The following PARP4 variants were observed in gnomAD, a reference collection of about 807,000 sequenced individuals.
PARP4 encodes the protein poly(ADP-ribose) polymerase family member 4.
PARP4 carries 120 observed loss-of-function variants against 187.7 expected under a neutral mutation model. That is an observed-to-expected ratio of 0.64 (90% CI 0.55 to 0.74). PARP4 has a LOEUF of 0.74. Ranked by LOEUF, PARP4 falls within the 30% of genes least tolerant of loss-of-function variation. The probability of loss-of-function intolerance (pLI) is 0.00; values close to 1 mark genes in which losing one functional copy is unlikely to be tolerated. For missense variants in PARP4, 1,836 were observed against 2,070.5 expected (o/e 0.89, Z 2.20); for synonymous variants, 654 against 740.9 (o/e 0.88, Z 1.90).
intron 1 of PARP4, among the ~76,000 whole-genome samples, chr13:24,507,478 C>T (rs1212584473): frequency 6.6e-6 from 1 of 152,302 alleles, no homozygotes; most frequent in East Asian, 1.9e-4. Flanking sequence ...CTAGGCCTCC[C>T]TCTCCCCCTT....
chr13:24,451,187 G>GCC (rs1871498196), intron 24 of PARP4, among the ~76,000 whole-genome samples: 1 of 152,214 alleles, frequency 6.6e-6, no homozygotes, highest in Non-Finnish European at 1.5e-5. Context: ...TGGTGTCTGA[G>GCC]CCCTGACCTG....
chr13:24,421,984 T>C (rs1394537947), intron 33 of PARP4, among the ~76,000 whole-genome samples: 1 of 152,212 alleles, frequency 6.6e-6, no homozygotes, highest in Non-Finnish European at 1.5e-5. Context: ...AGGGGCAACA[T>C]ATACCAAAGT....
chr13:24,452,822 G>C (rs1221272838), intron 23 of PARP4, among the ~76,000 whole-genome samples: 2 of 152,146 alleles, frequency 1.3e-5, no homozygotes, highest in East Asian at 3.8e-4. Flanking sequence ...GTTTCCAGAG[G>C]ACTATGACAT....
chr13:24,434,209 C>G (rs1395880329), intron 31 of PARP4, among the ~76,000 whole-genome samples, 186 bp downstream of exon 31: 1 of 152,186 alleles, frequency 6.6e-6, no homozygotes, highest in African/African-American at 2.4e-5. Context: ...TTTTGTTCAG[C>G]TGTCTGTTTT....
intron 14 of PARP4, among the ~76,000 whole-genome samples, chr13:24,476,238 C>A (rs1019825836): frequency 6.6e-6 from 1 of 151,838 alleles, no homozygotes. Context: ...CTTAGCCTCT[C>A]GAGTAGCTGC....
At chr13:24,501,585 G>C in intron 3 of PARP4, 48 bp downstream of exon 3, 1 of 1,294,566 alleles carries the variant, frequency 7.7e-7, no homozygotes, top group Non-Finnish European at 1.1e-6. Context: ...ACCCAAGCGT[G>C]TACTATGGCA....
intron 20 of PARP4, among the ~76,000 whole-genome samples, 186 bp from the exon 21 acceptor site, chr13:24,456,664 C>G (rs1259891871): frequency 6.6e-6 from 1 of 152,132 alleles, no homozygotes; most frequent in East Asian, 1.9e-4. Flanking sequence ...CCTGTAATCT[C>G]AGCACTTTGA....
intron 29 of PARP4, among the ~76,000 whole-genome samples, chr13:24,442,224 C>A (rs1214129585): frequency 1.2e-4 from 18 of 150,156 alleles, no homozygotes; most frequent in Non-Finnish European, 1.6e-4. Flanking sequence ...GGGAAGGGCT[C>A]TCAGGGAACC....
chr13:24,490,049 G>C (rs1271524157), intron 10 of PARP4, among the ~76,000 whole-genome samples: 1 of 152,200 alleles, frequency 6.6e-6, no homozygotes, highest in Non-Finnish European at 1.5e-5. Flanking sequence ...CAGGTCAAAA[G>C]AGTCAGTCCC....
chr13:24,501,614 C>G lies in PARP4; in HGVS notation c.334+19G>C. 6.4e-7 allele frequency: 1 copy of G among 1,568,554 alleles called. No homozygotes were observed. The highest frequency in any genetic ancestry group is 8.8e-7 in the Non-Finnish European group (1 of 1,138,984). ...TATGGCACCTATGATACGTTAAATG[C>G]TTGCTATGAAATACCTACCAGAACT... On this transcript the variant is annotated intron_variant, in intron 3 of 33. Coordinates refer to ENST00000381989, the MANE Select transcript of PARP4 (RefSeq NM_006437.4).
chr13:24,424,934 C>T (rs906483827), intron 33 of PARP4, among the ~76,000 whole-genome samples: 8 of 151,742 alleles, frequency 5.3e-5, no homozygotes, highest in Non-Finnish European at 7.4e-5. Flanking sequence ...CTGCCCACCT[C>T]GGCCTCCCAA....
chr13:24,483,492 C>A (rs868455452), intron 12 of PARP4, among the ~76,000 whole-genome samples: 420 of 107,618 alleles, frequency 3.9e-3, no homozygotes, highest in Non-Finnish European at 3.8e-3. Flanking sequence ...GACTCCGTCT[C>A]AAAAAAAAAA....
rs142816236 is a variant in PARP4 at position 24,432,811 on chromosome 13, G to A, written c.4747-1335C>T. ...TCTGCCTGCCCCATCACATGCACAG[G>A]AGAATGTGCTAAGCCTGAGCTTGGG... On this transcript the variant is annotated intron_variant, in intron 31 of 33. Coordinates refer to ENST00000381989, the MANE Select transcript of PARP4 (RefSeq NM_006437.4). Among the ~76,000 whole-genome samples the A allele has an allele frequency of 1.3e-3, 205 of 152,252 alleles. 1 individual carries two copies. The highest frequency in any genetic ancestry group is 4.7e-3 in the African/African-American group (196 of 41,532).
At chr13:24,428,986 T>C (rs1870199116) in intron 32 of PARP4, among the ~76,000 whole-genome samples, 1 of 151,244 alleles carries the variant, frequency 6.6e-6, no homozygotes, top group South Asian at 2.1e-4. Context: ...TCCACAGTCT[T>C]GGCTCCTCTG....
At chr13:24,505,769 G>A (rs532107257) in intron 1 of PARP4, among the ~76,000 whole-genome samples, 40 of 152,346 alleles carry the variant, frequency 2.6e-4, no homozygotes, top group African/African-American at 9.6e-4. Context: ...TTAAAAACAA[G>A]GAGTCACGTC....
At position 24,435,411 on chromosome 13, in the gene PARP4, G is replaced by A. The variant is rs1159413359; in HGVS notation, c.3730C>T (p.Pro1244Ser). 8.1e-6 allele frequency: 13 copies of A among 1,611,410 alleles called. No homozygotes were observed. Among genetic ancestry groups the A allele is most frequent in the Non-Finnish European group, 1.1e-5 (13 of 1,179,544 alleles). Residue 1244 changes from proline (P) to serine (S), a missense_variant, in exon 31 of 34, where the codon CCA (proline) becomes TCA (serine). Transcript: ENST00000381989. ...RLSKRKHRKI[P>S]FSKRKMELSQ... ...AATTCCATTTTTCTTTTGGAAAATG[G>A]AATTTTCCTATGTTTTCGTTTGGAT...
At chr13:24,506,344 G>A (rs990154645) in intron 1 of PARP4, among the ~76,000 whole-genome samples, 7 of 152,298 alleles carry the variant, frequency 4.6e-5, no homozygotes, top group African/African-American at 1.4e-4. Flanking sequence ...ACAGTGAGCA[G>A]CAACAAAATT....
At chr13:24,471,490 T>C (rs1265139023) in intron 15 of PARP4, among the ~76,000 whole-genome samples, 2 of 152,208 alleles carry the variant, frequency 1.3e-5, no homozygotes, top group Non-Finnish European at 1.5e-5. Flanking sequence ...GTAACAAATT[T>C]TGACATCTTA....
Position 24,452,605 on chromosome 13 carries a change from G to C in PARP4, c.2827-12C>G. The C allele has an allele frequency of 6.2e-7, 1 of 1,603,624 alleles. No individual in the cohort carries two copies. ...GTAGGTGTGGCAGACTGGAGGAAAT[G>C]AAGTGAAAGATTATGTTCTCCTTGT... On this transcript the variant is annotated splice_polypyrimidine_tract_variant and intron_variant, in intron 23 of 33. Transcript: ENST00000381989.
Sources: gnomAD v4.1 joint callset for allele counts (sites outside exome capture counted in the v4.1 genomes callset) on GRCh38, gnomAD v4.1.1 for gene constraint, MANE v1.5 for transcripts, NCBI Gene and HGNC (gene_info 2026-07-23, HGNC 2026-07-21) for gene names.